Variants in CPLX1 observed in about 807,000 individuals in gnomAD.
CPLX1 encodes complexin-1.
In CPLX1, 6 loss-of-function variants were observed where a neutral mutation model predicts 15.6. The observed-to-expected ratio is 0.39, with a 90% CI of 0.21 to 0.76. CPLX1 has a LOEUF of 0.76. Among genes scored for constraint, CPLX1 ranks in the 30% least tolerant of loss-of-function variants. The pLI, the probability that CPLX1 is intolerant of heterozygous loss-of-function variation, is 0.43. For missense variants in CPLX1, 242 were observed against 188.6 expected, an observed-to-expected ratio of 1.28 and a Z score of -1.66; for synonymous variants, 91 against 75.2, an observed-to-expected ratio of 1.21 and a Z score of -1.08.
chr4:786,933 G>A lies in CPLX1; in HGVS notation c.208-235C>T, dbSNP rs140555829. On this transcript the variant is annotated intron_variant, in intron 3 of 3. Coordinates refer to ENST00000304062, the MANE Select transcript of CPLX1 (RefSeq NM_006651.4). ...GAGCTGACATGGGGGGGAGCAGGGA[G>A]GGGGAGGCTCCCATCTTCCTTGAGA... 2.2e-5 allele frequency: 22 copies of A among 979,612 alleles called. No homozygotes were observed. The East Asian group carries it at 2.3e-3, about 101-fold the overall frequency. The allele number at this position is 979,612 out of a possible 1,614,324, so 60.7% of individuals were successfully genotyped here. A position where few individuals can be genotyped will look rare whatever the true frequency, so the allele number is the denominator to read the frequency against.
intron 2 of CPLX1, among the ~76,000 whole-genome samples, chr4:805,266 T>C (rs1455281883): frequency 6.6e-6 from 1 of 152,218 alleles, no homozygotes; most frequent in Non-Finnish European, 1.5e-5. Flanking sequence ...GTTAGGATTA[T>C]CTAAAGATAG....
intron 2 of CPLX1, among the ~76,000 whole-genome samples, chr4:821,985 C>T (rs1746873061): frequency 1.3e-5 from 2 of 152,224 alleles, no homozygotes; most frequent in African/African-American, 4.8e-5. Context: ...TCTGCTGCAC[C>T]CTCTGACGGG....
intron 2 of CPLX1, among the ~76,000 whole-genome samples, chr4:821,363 C>T (rs188768561): frequency 6.6e-6 from 1 of 152,278 alleles, no homozygotes; most frequent in African/African-American, 2.4e-5. Flanking sequence ...CACTCTGCAC[C>T]CCAGCCTCTC....
intron 2 of CPLX1, among the ~76,000 whole-genome samples, chr4:794,439 T>A (rs1746274332): frequency 6.6e-6 from 1 of 152,212 alleles, no homozygotes; most frequent in Non-Finnish European, 1.5e-5. Flanking sequence ...AAGAGGCTTG[T>A]GGTCAGTTTT....
chr4:787,695 C>G (rs1375732867), intron 3 of CPLX1: 7 of 985,164 alleles, frequency 7.1e-6, no homozygotes, highest in Non-Finnish European at 8.4e-6. Context: ...GGATTTTGTT[C>G]TTCTGCCCTC....
intron 2 of CPLX1, among the ~76,000 whole-genome samples, chr4:815,989 G>T (rs915525008): frequency 6.6e-5 from 10 of 152,154 alleles, no homozygotes; most frequent in Non-Finnish European, 7.3e-5. Flanking sequence ...AAGATCTTTT[G>T]TTGTCTGTCC....
At chr4:791,355 G>A (rs1048832563) in intron 3 of CPLX1, among the ~76,000 whole-genome samples, 2 of 152,096 alleles carry the variant, frequency 1.3e-5, no homozygotes, top group Non-Finnish European at 2.9e-5. Context: ...GGCGGTGGGC[G>A]GGGGGCTGCG....
In CPLX1 at chr4:792,543, T is replaced by C. The variant is rs373896763; in HGVS notation, c.97A>G (p.Lys33Glu). Residue 33 changes from lysine to glutamate, a missense_variant, in exon 3 of 4, where the codon AAG (lysine) becomes GAG (glutamate). By Grantham distance (56) the Lys-to-Glu change is moderately conservative. Coordinates refer to ENST00000304062, the MANE Select transcript of CPLX1 (RefSeq NM_006651.4). ...AGCGCCTCCTGCCGCTCCTCCTCCT[T>C]CTTGGCGGCGTCTGGGTCCTTCTCC... ...DEEKDPDAAK[K>E]EEERQEALRQ... 4.8e-5 allele frequency: 77 copies of C among 1,613,270 alleles called. No homozygotes were observed. The highest frequency in any genetic ancestry group is 1.6e-4 in the Middle Eastern group (1 of 6,072).
At chr4:799,493 GGGT>G (rs1746410788) in intron 2 of CPLX1, among the ~76,000 whole-genome samples, 1 of 152,200 alleles carries the variant, frequency 6.6e-6, no homozygotes, top group Admixed American at 6.5e-5. Context: ...CAACTCCACA[GGGT>G]GGAAGCTCCT....
intron 2 of CPLX1, among the ~76,000 whole-genome samples, chr4:803,534 G>A (rs1165398807): frequency 6.6e-6 from 1 of 152,048 alleles, no homozygotes; most frequent in Non-Finnish European, 1.5e-5. Flanking sequence ...GGGACTGCAG[G>A]CGTCCGCCAC....
At chr4:813,158 G>T (rs2152647303) in intron 2 of CPLX1, among the ~76,000 whole-genome samples, 1 of 151,986 alleles carries the variant, frequency 6.6e-6, no homozygotes, top group Non-Finnish European at 1.5e-5. Flanking sequence ...CCAGCTACTT[G>T]GGAGGGTGAG....
chr4:785,888 G>C lies in CPLX1; in HGVS notation c.*613C>G, dbSNP rs573028960. 1 of 152,316 alleles carries C rather than the reference G, an allele frequency of 6.6e-6. No homozygotes were observed. The allele number at this position is 152,316 out of a possible 1,614,324, so 9.4% of individuals were successfully genotyped here. A position where few individuals can be genotyped will look rare whatever the true frequency, so the allele number is the denominator to read the frequency against. On this transcript the variant is annotated 3_prime_UTR_variant, in exon 4 of 4. Coordinates refer to ENST00000304062, the MANE Select transcript of CPLX1 (RefSeq NM_006651.4). ...CAAACCTATTGCTTTGTTTCCTTTA[G>C]TTTAGAAGTGAACACGGCCGTGGCG...
At chr4:810,379 A>T (rs1382767854) in intron 2 of CPLX1, among the ~76,000 whole-genome samples, 1 of 152,094 alleles carries the variant, frequency 6.6e-6, no homozygotes, top group Non-Finnish European at 1.5e-5. Flanking sequence ...CTCTTGGGTC[A>T]ACGTCTAGGA....
At chr4:794,681 C>T (rs554118627) in intron 2 of CPLX1, among the ~76,000 whole-genome samples, 86 of 152,290 alleles carry the variant, frequency 5.6e-4, no homozygotes, top group Admixed American at 1.0e-3. Flanking sequence ...GCTAATTCAC[C>T]CTAAAGTGAG....
chr4:818,936 G>A (rs1204938673), intron 2 of CPLX1, among the ~76,000 whole-genome samples: 1 of 152,246 alleles, frequency 6.6e-6, no homozygotes, highest in African/African-American at 2.4e-5. Flanking sequence ...GGGCTGCCAG[G>A]CACTCAGTGT....
chr4:820,938 T>C (rs1746850052), intron 2 of CPLX1, among the ~76,000 whole-genome samples: 1 of 152,100 alleles, frequency 6.6e-6, no homozygotes, highest in South Asian at 2.1e-4. Flanking sequence ...GGTGGAACCC[T>C]GCACTTCCTG....
At chr4:796,163 T>C (rs991894650) in intron 2 of CPLX1, among the ~76,000 whole-genome samples, 4 of 152,260 alleles carry the variant, frequency 2.6e-5, no homozygotes, top group Non-Finnish European at 5.9e-5. Context: ...ATAATGTATA[T>C]GTAAATACTA....
chr4:820,634 T>C (rs1560247555), intron 2 of CPLX1, among the ~76,000 whole-genome samples: 2 of 152,112 alleles, frequency 1.3e-5, no homozygotes, highest in Non-Finnish European at 2.9e-5. Flanking sequence ...CTGGGGGAGA[T>C]GCTGGTGTTG....
chr4:811,883 C>T (rs769447812), intron 2 of CPLX1, among the ~76,000 whole-genome samples: 3 of 152,116 alleles, frequency 2.0e-5, no homozygotes, highest in South Asian at 2.1e-4. Flanking sequence ...ACTCAGCTGT[C>T]GGGTGTAGAA....
Sources: allele counts gnomAD v4.1 joint callset (sites outside exome capture counted in the v4.1 genomes callset), GRCh38; gene constraint gnomAD v4.1.1; transcripts MANE v1.5; gene names NCBI Gene and HGNC (gene_info 2026-07-23, HGNC 2026-07-21).